Variants in TOMM40 observed in about 807,000 individuals in gnomAD.
TOMM40 encodes the protein mitochondrial import receptor subunit TOM40 homolog.
Under a neutral mutation model 38.4 loss-of-function variants are expected in TOMM40, and 9 were observed. The observed-to-expected ratio is 0.23, with a 90% CI of 0.14 to 0.41. The LOEUF (loss-of-function observed/expected upper bound fraction) is 0.41. Ranked by LOEUF, TOMM40 falls within the 10% of genes least tolerant of loss-of-function variation. TOMM40 has a pLI of 1.00. For missense variants in TOMM40, 299 were observed against 486.5 expected (o/e 0.61, Z 3.63); for synonymous variants, 184 against 210.0 (o/e 0.88, Z 1.07).
intron 3 of TOMM40, among the ~76,000 whole-genome samples, chr19:44,893,191 C>T (rs1371227274): frequency 2.0e-5 from 3 of 152,306 alleles, no homozygotes; most frequent in Non-Finnish European, 4.4e-5. Flanking sequence ...ACAGCGATGA[C>T]CCAGGGTGGA....
chr19:44,894,211 A>G lies in TOMM40; in HGVS notation c.643+145A>G, dbSNP rs568484815. ...TTTGAAACATCAGGCAACATACTACAGTGGGTGAGACGGTCACCCACTGAC... is the reference window on the plus strand; with the variant it reads ...TTTGAAACATCAGGCAACATACTACGGTGGGTGAGACGGTCACCCACTGAC... On this transcript the variant is annotated intron_variant, in intron 5 of 8. Transcript: ENST00000426677. 5 of 522,660 alleles carry G rather than the reference A, an allele frequency of 9.6e-6. No individual in the cohort carries two copies. The East Asian group carries it at 1.4e-4, about 15-fold the overall frequency. 32.4% of individuals were successfully genotyped at this position (522,660 alleles called of 1,614,324 possible). A position where few individuals can be genotyped will look rare whatever the true frequency, so the allele number is the denominator to read the frequency against.
Position 44,900,769 on chromosome 19 carries a change from G to T in TOMM40, c.683G>T (p.Cys228Phe). The change falls in exon 6 of 9, where the codon TGC becomes TTC. Residue 228 changes from cysteine (C) to phenylalanine (F), a missense_variant. Physicochemically the swap from Cys to Phe is radical, Grantham distance 205 (BLOSUM62 -2). Coordinates refer to ENST00000426677, the MANE Select transcript of TOMM40 (RefSeq NM_001128917.2). ...CACTACCTCCAGAGCATCACGCCTT[G>T]CCTGGCCCTGGGTGGAGAGCTGGTC... Reference protein sequence around the residue: ...VAHYLQSITPCLALGGELVYH... With the variant: ...VAHYLQSITPFLALGGELVYH... 6.2e-7 allele frequency: 1 copy of T among 1,613,262 alleles called. No individual in the cohort carries two copies. Among genetic ancestry groups the T allele is most frequent in the Non-Finnish European group, 8.5e-7 (1 of 1,179,944 alleles).
At chr19:44,898,536 T>C (rs1430140157) in intron 5 of TOMM40, among the ~76,000 whole-genome samples, 3 of 144,492 alleles carry the variant, frequency 2.1e-5, no homozygotes, top group African/African-American at 7.7e-5. Context: ...TTTTTTTTTT[T>C]TTTTTGTCTT....
chr19:44,895,595 TG>T (rs1969550150), intron 5 of TOMM40, among the ~76,000 whole-genome samples: 1 of 152,142 alleles, frequency 6.6e-6, no homozygotes. Flanking sequence ...TGGAGTGCTG[TG>T]GTGCAATCTC....
chr19:44,897,369 C>T (rs955639793), intron 5 of TOMM40, among the ~76,000 whole-genome samples: 1 of 152,132 alleles, frequency 6.6e-6, no homozygotes, highest in Non-Finnish European at 1.5e-5. Flanking sequence ...CTCTGGGCTT[C>T]AGTCTCCCCC....
At chr19:44,895,135 G>A (rs1037487876) in intron 5 of TOMM40, among the ~76,000 whole-genome samples, 1 of 152,204 alleles carries the variant, frequency 6.6e-6, no homozygotes, top group African/African-American at 2.4e-5. Flanking sequence ...GCTGAGTCCT[G>A]AGTGAATGAC....
chr19:44,895,346 G>A (rs1236384970), intron 5 of TOMM40, among the ~76,000 whole-genome samples: 4 of 152,122 alleles, frequency 2.6e-5, no homozygotes, highest in African/African-American at 4.8e-5. Context: ...CAGGGGTGAG[G>A]GAAGGGAAGG....
At chr19:44,893,212 C>A (rs181325495) in intron 3 of TOMM40, among the ~76,000 whole-genome samples, 1 of 152,344 alleles carries the variant, frequency 6.6e-6, no homozygotes, top group Admixed American at 6.5e-5. Context: ...AAGGGCTGGA[C>A]TGTAGATCAT....
intron 7 of TOMM40, 21 bp downstream of exon 7, chr19:44,901,125 G>C: frequency 1.9e-6 from 3 of 1,614,204 alleles, no homozygotes; most frequent in East Asian, 2.2e-5. Context: ...GCAGGGACTA[G>C]CTGGTGCTGC....
intron 8 of TOMM40, 59 bp from the exon 9 acceptor site, chr19:44,902,970 GA>G: frequency 6.4e-7 from 1 of 1,572,406 alleles, no homozygotes; most frequent in Non-Finnish European, 8.6e-7. Flanking sequence ...AGGTGGCCAG[GA>G]ACTCTGCATG....
At chr19:44,893,476 C>T (rs576152883) in intron 3 of TOMM40, among the ~76,000 whole-genome samples, 1 of 152,308 alleles carries the variant, frequency 6.6e-6, no homozygotes, top group South Asian at 2.1e-4. Context: ...TTCTGCAAAC[C>T]TTCATTGCAC....
rs769826606 is a variant in TOMM40 at position 44,901,053 on chromosome 19, G to A, written c.792G>A (p.Thr264=). The change falls in exon 7 of 9, where the codon ACG becomes ACA. Residue 264 remains threonine, a synonymous_variant. Coordinates refer to ENST00000426677, the MANE Select transcript of TOMM40 (RefSeq NM_001128917.2). ...TGAACAACTGGTTGGCAACGGTAAC[G>A]TTGGGCCAGGCGGGCATGCACGCAA... The part of the protein sequence containing the change: ...YTLNNWLATV[T]LGQAGMHATY... The A allele has an allele frequency of 1.9e-5, 31 of 1,614,120 alleles. No individual in the cohort carries two copies. The highest frequency in any genetic ancestry group is 1.6e-4 in the Middle Eastern group (1 of 6,074).
chr19:44,898,478 C>G (rs1969609670), intron 5 of TOMM40, among the ~76,000 whole-genome samples: 5 of 151,388 alleles, frequency 3.3e-5, no homozygotes, highest in Admixed American at 3.3e-4. Context: ...TCCCTCTTCC[C>G]CCTTCATTTC....
intron 5 of TOMM40, among the ~76,000 whole-genome samples, chr19:44,899,791 CTTTTTTTTT>C (rs10524523): frequency 1.1e-5 from 1 of 90,984 alleles, no homozygotes; most frequent in South Asian, 4.6e-4. Flanking sequence ...TTGCATCTGG[CTTTTTTTTT>C]TTTTTTTTTT....
chr19:44,892,980 T>G, intron 3 of TOMM40, 51 bp downstream of exon 3: 316 of 1,395,060 alleles, frequency 2.3e-4, no homozygotes, highest in Non-Finnish European at 2.8e-4. Flanking sequence ...AACAAATTTG[T>G]AGCCAAATGT....
At chr19:44,893,006 T>A (rs1041229465) in intron 3 of TOMM40, 77 bp downstream of exon 3, 6 of 1,288,056 alleles carry the variant, frequency 4.7e-6, no homozygotes, top group Non-Finnish European at 6.5e-6. Context: ...TAAGACGGCC[T>A]CATCAGGAAA....
At position 44,892,854 on chromosome 19, in the gene TOMM40, C is replaced by A. The variant is rs11556506; in HGVS notation, c.360C>A (p.Ala120=). 15 of 1,613,694 alleles carry A rather than the reference C, an allele frequency of 9.3e-6. No homozygotes were observed. The highest frequency in any genetic ancestry group is 1.3e-5 in the Non-Finnish European group (15 of 1,179,816). ...CCTTCCAGGTCAACCACACAGTAGC[C>A]CTCAGCACAATCGGGGAGTCCAACT... ...SNHFQVNHTV[A]LSTIGESNYH... Residue 120 remains alanine (A), a synonymous_variant, in exon 3 of 9, where the codon GCC becomes GCA. Coordinates refer to ENST00000426677, the MANE Select transcript of TOMM40 (RefSeq NM_001128917.2).
intron 1 of TOMM40, among the ~76,000 whole-genome samples, chr19:44,892,014 T>G (rs1969476543): frequency 6.6e-6 from 1 of 152,138 alleles, no homozygotes. Flanking sequence ...TCAGCGAGGT[T>G]CCTTGGGTAT....
intron 5 of TOMM40, among the ~76,000 whole-genome samples, chr19:44,898,837 C>A (rs1212160106): frequency 6.6e-6 from 1 of 151,644 alleles, no homozygotes; most frequent in East Asian, 2.0e-4. Context: ...CGTGCCCAGC[C>A]TCTTTTTTTC....
Sources: allele counts gnomAD v4.1 joint callset (sites outside exome capture counted in the v4.1 genomes callset), GRCh38; gene constraint gnomAD v4.1.1; transcripts MANE v1.5; gene names NCBI Gene and HGNC (gene_info 2026-07-23, HGNC 2026-07-21).